Variants in GALC observed in about 807,000 individuals in gnomAD.
GALC encodes galactocerebrosidase.
A neutral mutation model predicts 91.8 loss-of-function variants in GALC; 77 were observed. The observed-to-expected ratio is 0.84, with a 90% CI of 0.70 to 1.01. The LOEUF is 1.01. GALC is among the 50% of genes least tolerant of loss of function. The probability of loss-of-function intolerance (pLI) is 0.00; values close to 1 mark genes in which losing one functional copy is unlikely to be tolerated. For missense variants in GALC, 882 were observed against 855.9 expected (o/e 1.03, Z -0.38); for synonymous variants, 357 against 306.7 (o/e 1.16, Z -1.71).
At position 87,975,511 on chromosome 14, in the gene GALC, G is replaced by A. The variant is rs138034905; in HGVS notation, c.752+847C>T. 4.1e-3 allele frequency among the ~76,000 whole-genome samples: 625 copies of A among 152,176 alleles called. 3 individuals are homozygous for A. The highest frequency in any genetic ancestry group is 0.014 in the African/African-American group (576 of 41,534). On this transcript the variant is annotated intron_variant, in intron 7 of 16. Coordinates refer to ENST00000261304, the MANE Select transcript of GALC (RefSeq NM_000153.4). ...CATACACAGTAATATTTTTATGGAAGAAATAATGTCTGGGATTTCTTTCAA... is the reference window on the plus strand; with the variant it reads ...CATACACAGTAATATTTTTATGGAAAAAATAATGTCTGGGATTTCTTTCAA...
chr14:87,993,459 A>C, upstream of GALC: 1 of 1,535,860 alleles, frequency 6.5e-7, no homozygotes, highest in Middle Eastern at 1.7e-4. Context: ...CGCCAAAGGA[A>C]GAGGGCCATG....
intron 10 of GALC, chr14:87,953,765 G>A (rs1319980177): frequency 1.9e-6 from 3 of 1,603,958 alleles, no homozygotes; most frequent in Non-Finnish European, 1.7e-6. Context: ...GAATTTAAGG[G>A]TATTAAAAAA....
chr14:87,971,449 T>C (rs1180354125), intron 7 of GALC, among the ~76,000 whole-genome samples: 1 of 152,054 alleles, frequency 6.6e-6, no homozygotes, highest in Non-Finnish European at 1.5e-5. Flanking sequence ...ATCTGTCTGG[T>C]AGAAATATGA....
chr14:87,968,074 T>C (rs1886128886), intron 8 of GALC, among the ~76,000 whole-genome samples: 1 of 152,116 alleles, frequency 6.6e-6, no homozygotes, highest in African/African-American at 2.4e-5. Flanking sequence ...AAGTAGCTTG[T>C]CAAAAATCAG....
rs366615 is a variant in GALC, at chr14:87,945,493, G to A, written c.1670+60C>T. On this transcript the variant is annotated intron_variant, in intron 14 of 16. Transcript: ENST00000261304. Reference sequence around the variant, plus strand: ...CATTGAAAACTCTTCACTTCAAAATGTACCTGACAATATTACAAGGGTATT... The same window carrying A: ...CATTGAAAACTCTTCACTTCAAAATATACCTGACAATATTACAAGGGTATT... 573,659 of 1,238,394 alleles carry A rather than the reference G, an allele frequency of 0.46. 136,745 individuals carry two copies. Among genetic ancestry groups the A allele is most frequent in the African/African-American group, 0.61 (40,896 of 67,478 alleles). The allele number at this position is 1,238,394 out of a possible 1,614,324, so 76.7% of individuals were successfully genotyped here.
intron 8 of GALC, among the ~76,000 whole-genome samples, chr14:87,965,847 C>T (rs1886028687): frequency 6.6e-6 from 1 of 152,058 alleles, no homozygotes; most frequent in South Asian, 2.1e-4. Context: ...TGGTGAATCA[C>T]ATGATAAAAA....
At position 87,939,932 on chromosome 14, in the gene GALC, T is replaced by C. The variant is rs760065776; in HGVS notation, c.1884A>G (p.Lys628=). The change falls in exon 16 of 17, where the codon AAA becomes AAG. Residue 628 remains lysine (K), a synonymous_variant. Coordinates refer to ENST00000261304, the MANE Select transcript of GALC (RefSeq NM_000153.4). ...TAATAGTTAACGTGAGTGTATACCA[T>C]TTTTTTGCTGTAACTTCAACACGTC... is the stretch of plus-strand genomic sequence containing the variant. ...ALGRVEVTAK[K]WYTLTLTIKG... is the part of the protein sequence containing the mutation. 6.2e-7 allele frequency: 1 copy of C among 1,607,498 alleles called. No individual in the cohort carries two copies. Among genetic ancestry groups the C allele is most frequent in the Non-Finnish European group, 8.5e-7 (1 of 1,174,716 alleles).
intron 13 of GALC, among the ~76,000 whole-genome samples, chr14:87,946,689 T>C (rs1035807451): frequency 1.3e-5 from 2 of 151,980 alleles, no homozygotes; most frequent in Non-Finnish European, 2.9e-5. Context: ...CAAAAGTCAC[T>C]TTTGCTAACA....
At chr14:87,969,699 G>A (rs949033023) in intron 7 of GALC, among the ~76,000 whole-genome samples, 4 of 152,134 alleles carry the variant, frequency 2.6e-5, no homozygotes, top group Non-Finnish European at 4.4e-5. Flanking sequence ...TCAAAAGAAT[G>A]ATTGTGAATA....
At chr14:87,964,020 A>G (rs1885922312) in intron 9 of GALC, among the ~76,000 whole-genome samples, 1 of 152,136 alleles carries the variant, frequency 6.6e-6, no homozygotes, top group African/African-American at 2.4e-5. Context: ...AGAGTACATT[A>G]GTTCATCTAG....
intron 15 of GALC, among the ~76,000 whole-genome samples, chr14:87,940,393 G>A (rs1884785104): frequency 6.6e-6 from 1 of 151,908 alleles, no homozygotes; most frequent in Non-Finnish European, 1.5e-5. Flanking sequence ...AACTTAGAGG[G>A]AGAAAATAGT....
chr14:87,973,186 G>A (rs777960492), intron 7 of GALC, among the ~76,000 whole-genome samples: 2 of 152,038 alleles, frequency 1.3e-5, no homozygotes, highest in Non-Finnish European at 2.9e-5. Context: ...AAGTATAAAG[G>A]TCATAGATAA....
chr14:87,968,284 T>C (rs1001534644), intron 8 of GALC, 51 bp downstream of exon 8: 5 of 1,471,166 alleles, frequency 3.4e-6, no homozygotes, highest in African/African-American at 2.8e-5. Flanking sequence ...CTAACTCTTA[T>C]GTTTTTAAAT....
At chr14:87,987,491 G>C (rs754816602) in intron 3 of GALC, among the ~76,000 whole-genome samples, 2 of 152,152 alleles carry the variant, frequency 1.3e-5, no homozygotes, top group Non-Finnish European at 2.9e-5. Flanking sequence ...CCACCACATA[G>C]ACATATCTGT....
chr14:87,933,995 G>A lies in GALC; in HGVS notation c.*737C>T, dbSNP rs188769920. ...ATATCAGGTTTTCTTCCTTCTTCCA[G>A]CCACCTGGAAAAACGTTCACAGAGA... On this transcript the variant is annotated 3_prime_UTR_variant, in exon 17 of 17. Transcript: ENST00000261304. The A allele has an allele frequency of 1.0e-4, 160 of 1,534,472 alleles. No individual in the cohort carries two copies. In the African/African-American group the frequency reaches 2.0e-3, roughly 19 times the overall value.
chr14:87,958,444 T>A (rs985369016), intron 10 of GALC, among the ~76,000 whole-genome samples: 4 of 152,292 alleles, frequency 2.6e-5, no homozygotes, highest in African/African-American at 4.8e-5. Flanking sequence ...TTTAATGCAA[T>A]CTGTATCAAA....
chr14:87,988,332 T>C, intron 2 of GALC, 123 bp downstream of exon 2: 1 of 1,254,556 alleles, frequency 8.0e-7, no homozygotes, highest in Non-Finnish European at 1.2e-6. Context: ...AGCAATTTAT[T>C]CCAAAAGTAA....
intron 10 of GALC, among the ~76,000 whole-genome samples, chr14:87,962,069 C>CA (rs1474297957): frequency 6.6e-6 from 1 of 152,078 alleles, no homozygotes; most frequent in African/African-American, 2.4e-5. Context: ...CTTGACTTCC[C>CA]ACCTGTTAGG....
intron 10 of GALC, chr14:87,954,004 T>C: frequency 6.2e-7 from 1 of 1,609,520 alleles, no homozygotes; most frequent in South Asian, 1.1e-5. Flanking sequence ...GATATAATTT[T>C]ACTCGCAGAT....
Sources: gnomAD v4.1 joint callset for allele counts (sites outside exome capture counted in the v4.1 genomes callset) on GRCh38, gnomAD v4.1.1 for gene constraint, MANE v1.5 for transcripts, NCBI Gene and HGNC (gene_info 2026-07-23, HGNC 2026-07-21) for gene names.